Variants in CHD9NB observed in about 807,000 individuals in gnomAD.
The protein encoded by CHD9NB is CHD9 neighbor.
chr16:53,036,892 C>G, the CHD9NB span, among the ~76,000 whole-genome samples: 4,023 of 152,232 alleles, frequency 0.026, 174 homozygotes, highest in African/African-American at 0.091. Context: ...ACTGCCCAAG[C>G]CAAGTTGAAA....
the CHD9NB span, among the ~76,000 whole-genome samples, chr16:53,041,150 A>G: frequency 5.3e-5 from 8 of 152,222 alleles, no homozygotes; most frequent in Non-Finnish European, 1.2e-4. Context: ...GGAGGCATGG[A>G]TGGATGATGG....
At chr16:53,051,102 T>G in the CHD9NB span, among the ~76,000 whole-genome samples, 1 of 152,046 alleles carries the variant, frequency 6.6e-6, no homozygotes, top group Non-Finnish European at 1.5e-5. Flanking sequence ...TTAGCCAGGA[T>G]GGTCTTGATC....
At chr16:53,051,798 T>TAA in the CHD9NB span, among the ~76,000 whole-genome samples, 1 of 78,524 alleles carries the variant, frequency 1.3e-5, no homozygotes, top group Admixed American at 1.2e-4. Flanking sequence ...TATATATATA[T>TAA]ATATATATAT....
chr16:53,044,165 G>A, the CHD9NB span: 1 of 398,718 alleles, frequency 2.5e-6, no homozygotes, highest in Non-Finnish European at 4.4e-6. Context: ...CCATCTCAGA[G>A]GGACACAGAG....
the CHD9NB span, among the ~76,000 whole-genome samples, chr16:53,041,381 C>CT: frequency 2.0e-5 from 3 of 152,218 alleles, no homozygotes; most frequent in Non-Finnish European, 4.4e-5. Context: ...AAACTGAGTA[C>CT]TTTTTTCTGT....
At chr16:53,042,711 A>C in the CHD9NB span, 1 of 152,246 alleles carries the variant, frequency 6.6e-6, no homozygotes, top group South Asian at 2.1e-4. Context: ...CTCAGTGAAT[A>C]AAGAAAAATG....
the CHD9NB span, chr16:53,047,259 TG>T: frequency 6.6e-6 from 1 of 152,332 alleles, no homozygotes; most frequent in South Asian, 2.1e-4. Context: ...ATATTGCTAG[TG>T]GGAACCATGA....
the CHD9NB span, among the ~76,000 whole-genome samples, chr16:53,049,193 C>T: frequency 6.6e-6 from 1 of 151,738 alleles, no homozygotes; most frequent in African/African-American, 2.4e-5. Context: ...CACTCTGTTG[C>T]CTGGATGGAG....
At chr16:53,043,012 C>T in the CHD9NB span, 1 of 152,252 alleles carries the variant, frequency 6.6e-6, no homozygotes, top group Non-Finnish European at 1.5e-5. Flanking sequence ...CACTCCTGTT[C>T]CACAGAATTA....
At chr16:53,050,023 G>A in the CHD9NB span, among the ~76,000 whole-genome samples, 49 of 152,168 alleles carry the variant, frequency 3.2e-4, no homozygotes, top group African/African-American at 1.1e-3. Context: ...GGACAACATG[G>A]TGAAACCCTG....
chr16:53,049,925 C>T, the CHD9NB span, among the ~76,000 whole-genome samples: 12 of 152,286 alleles, frequency 7.9e-5, no homozygotes, highest in East Asian at 1.9e-4. Context: ...TTCCTGCGAC[C>T]GGGCACGGTG....
At chr16:53,048,787 A>T in the CHD9NB span, among the ~76,000 whole-genome samples, 1 of 152,174 alleles carries the variant, frequency 6.6e-6, no homozygotes, top group Non-Finnish European at 1.5e-5. Flanking sequence ...GGCCAACCCA[A>T]GGCACCCTGC....
At chr16:53,039,439 T>C in the CHD9NB span, among the ~76,000 whole-genome samples, 4 of 152,188 alleles carry the variant, frequency 2.6e-5, no homozygotes, top group Non-Finnish European at 1.5e-5. Flanking sequence ...CCTTTCCTAA[T>C]TGCTTCAATT....
the CHD9NB span, among the ~76,000 whole-genome samples, chr16:53,038,064 T>C: frequency 6.6e-6 from 1 of 152,198 alleles, no homozygotes; most frequent in Non-Finnish European, 1.5e-5. Flanking sequence ...GAGAGGCCAC[T>C]GGTCTAAGTC....
At chr16:53,040,586 G>A in the CHD9NB span, among the ~76,000 whole-genome samples, 1 of 152,058 alleles carries the variant, frequency 6.6e-6, no homozygotes, top group Admixed American at 6.6e-5. Flanking sequence ...GATCTCCCTG[G>A]ACCACCCTGT....
chr16:53,047,021 G>A, the CHD9NB span, among the ~76,000 whole-genome samples: 4 of 152,182 alleles, frequency 2.6e-5, no homozygotes, highest in Non-Finnish European at 5.9e-5. Flanking sequence ...GGCAAGAACA[G>A]AGAAATGAGG....
At chr16:53,036,394 G>T in the CHD9NB span, among the ~76,000 whole-genome samples, 1 of 152,278 alleles carries the variant, frequency 6.6e-6, no homozygotes, top group Admixed American at 6.5e-5. Flanking sequence ...CCAGTCCATC[G>T]CTGGCTCCTT....
chr16:53,047,593 G>T, the CHD9NB span, among the ~76,000 whole-genome samples: 1 of 152,182 alleles, frequency 6.6e-6, no homozygotes, highest in East Asian at 1.9e-4. Context: ...AAGGATACCA[G>T]TTCTATCAGA....
chr16:53,039,017 G>T, the CHD9NB span, among the ~76,000 whole-genome samples: 1 of 151,862 alleles, frequency 6.6e-6, no homozygotes, highest in Non-Finnish European at 1.5e-5. Context: ...GCCCCTCCTT[G>T]TATGCTTTTT....
Sources: gnomAD v4.1 joint callset for allele counts (sites outside exome capture counted in the v4.1 genomes callset) on GRCh38, gnomAD v4.1.1 for gene constraint, MANE v1.5 for transcripts, NCBI Gene and HGNC (gene_info 2026-07-23, HGNC 2026-07-21) for gene names.